FOCAD: variants seen among roughly 807,000 people sequenced by gnomAD.
FOCAD encodes KIAA1797.
Under a neutral mutation model 225.6 loss-of-function variants are expected in FOCAD, and 198 were observed. The ratio of observed to expected loss-of-function variants is 0.88; its 90% CI spans 0.78 to 0.99. The LOEUF is 0.99. Among genes scored for constraint, FOCAD ranks in the 50% least tolerant of loss-of-function variants. The pLI, the probability that FOCAD is intolerant of heterozygous loss-of-function variation, is 0.00. For missense variants in FOCAD, 2,713 were observed against 2,123.6 expected, an observed-to-expected ratio of 1.28 and a Z score of -5.46; for synonymous variants, 897 against 755.0, an observed-to-expected ratio of 1.19 and a Z score of -3.08.
rs777707416 is a variant in FOCAD, at chr9:20,874,783, C to G, written c.2293C>G (p.Leu765Val). Residue 765 changes from leucine (L) to valine (V), a missense_variant, in exon 19 of 44, where the codon CTC becomes GTC. Leu to Val is a conservative substitution (Grantham distance 32, BLOSUM62 1). Coordinates refer to ENST00000338382, the MANE Select transcript of FOCAD (RefSeq NM_001375567.1). ...CTCTTGCTATCTCAAACTGTTGTCACTCACTCCCCCTTTGGTTTTACCAGG... is the reference window on the plus strand; with the variant it reads ...CTCTTGCTATCTCAAACTGTTGTCAGTCACTCCCCCTTTGGTTTTACCAGG... ...PGSCYLKLLS[L>V]TPPLVLPALE... The G allele has an allele frequency of 1.9e-6, 3 of 1,613,626 alleles. No individual in the cohort carries two copies.
intron 21 of FOCAD, among the ~76,000 whole-genome samples, chr9:20,885,871 C>T (rs1347462520): frequency 6.6e-6 from 1 of 151,822 alleles, no homozygotes; most frequent in African/African-American, 2.4e-5. Context: ...GAATGAATAA[C>T]AAAACAAAAT....
chr9:20,662,671 G>C (rs1821765599), intron 2 of FOCAD, among the ~76,000 whole-genome samples: 1 of 151,832 alleles, frequency 6.6e-6, no homozygotes, highest in African/African-American at 2.4e-5. Flanking sequence ...TATTGCCCAG[G>C]CTGGTCTTGA....
intron 35 of FOCAD, among the ~76,000 whole-genome samples, chr9:20,970,759 A>AT (rs1330609090): frequency 6.6e-6 from 1 of 151,946 alleles, no homozygotes; most frequent in Non-Finnish European, 1.5e-5. Flanking sequence ...TATGCTCCAT[A>AT]TTTTTTTGAA....
At chr9:20,719,914 G>T (rs539296511) in intron 3 of FOCAD, among the ~76,000 whole-genome samples, 20 of 151,862 alleles carry the variant, frequency 1.3e-4, no homozygotes, top group African/African-American at 4.8e-4. Context: ...GTGGTGGTAA[G>T]GTGCATGTAG....
chr9:20,671,077 A>T (rs1162720188), intron 2 of FOCAD, among the ~76,000 whole-genome samples: 1 of 152,180 alleles, frequency 6.6e-6, no homozygotes, highest in Non-Finnish European at 1.5e-5. Context: ...TACATTTCTG[A>T]TCTTCTGTAA....
chr9:20,982,580 A>C, intron 39 of FOCAD, 134 bp downstream of exon 39: 2 of 688,840 alleles, frequency 2.9e-6, no homozygotes, highest in South Asian at 3.5e-5. Flanking sequence ...ACTATATTTC[A>C]TTTACATTGT....
intron 21 of FOCAD, among the ~76,000 whole-genome samples, chr9:20,894,041 C>A (rs1166673216): frequency 6.6e-6 from 1 of 152,092 alleles, no homozygotes; most frequent in Non-Finnish European, 1.5e-5. Context: ...TCATCCCTTC[C>A]TTCTCTCTAA....
At chr9:20,808,693 T>G (rs1307490706) in intron 11 of FOCAD, among the ~76,000 whole-genome samples, 1 of 152,046 alleles carries the variant, frequency 6.6e-6, no homozygotes, top group East Asian at 1.9e-4. Context: ...TGATTAGACT[T>G]TCTCTCCTGG....
At chr9:20,682,902 A>G (rs543610577), upstream of FOCAD, among the ~76,000 whole-genome samples, 66 of 152,202 alleles carry the variant, frequency 4.3e-4, no homozygotes, top group Admixed American at 1.2e-3. Context: ...TCCTGAGTAG[A>G]GTAGCCGTGA....
chr9:20,692,869 G>C (rs1331072592), intron 1 of FOCAD, among the ~76,000 whole-genome samples: 1 of 152,076 alleles, frequency 6.6e-6, no homozygotes, highest in Non-Finnish European at 1.5e-5. Flanking sequence ...TTTTTCTGAG[G>C]GGGTGCAGCA....
intron 11 of FOCAD, among the ~76,000 whole-genome samples, chr9:20,804,147 G>T (rs1822155521): frequency 6.6e-6 from 1 of 151,974 alleles, no homozygotes; most frequent in Non-Finnish European, 1.5e-5. Flanking sequence ...TGTTCCTGAG[G>T]TTTACAAGTA....
At chr9:20,962,117 T>G (rs535637135) in intron 35 of FOCAD, among the ~76,000 whole-genome samples, 1 of 152,136 alleles carries the variant, frequency 6.6e-6, no homozygotes, top group African/African-American at 2.4e-5. Flanking sequence ...ATTTAAATAT[T>G]CTTTCCTTGG....
intron 14 of FOCAD, 81 bp downstream of exon 14, chr9:20,821,152 A>T (rs889566029): frequency 2.2e-6 from 3 of 1,370,870 alleles, no homozygotes; most frequent in Non-Finnish European, 2.0e-6. Flanking sequence ...GCAAGAGGCA[A>T]GAAAAGATAG....
chr9:20,791,415 T>A (rs986136819), intron 11 of FOCAD, among the ~76,000 whole-genome samples: 3 of 152,162 alleles, frequency 2.0e-5, no homozygotes, highest in Non-Finnish European at 2.9e-5. Flanking sequence ...AGGTATAAAA[T>A]GTGCAATGAT....
chr9:20,684,726 C>G (rs1822555609), intron 1 of FOCAD: 1 of 152,430 alleles, frequency 6.6e-6, no homozygotes, highest in Non-Finnish European at 1.5e-5. Context: ...GAGATTCTGG[C>G]CGCGTCCTGC....
chr9:20,763,430 G>T lies in FOCAD; in HGVS notation c.495-1439G>T, dbSNP rs148394341. ...ATTATTGTGCCTGTGAATAGCCATTGCACTCTAGCCTGGGCAATGTAGCAA... is the reference window on the plus strand; with the variant it reads ...ATTATTGTGCCTGTGAATAGCCATTTCACTCTAGCCTGGGCAATGTAGCAA... On this transcript the variant is annotated intron_variant, in intron 6 of 43. Transcript: ENST00000338382. 3.7e-3 allele frequency among the ~76,000 whole-genome samples: 556 copies of T among 152,286 alleles called. 6 individuals are homozygous for T. Among genetic ancestry groups the T allele is most frequent in the African/African-American group, 0.013 (539 of 41,548 alleles).
chr9:20,750,708 T>C (rs1828462671), intron 5 of FOCAD, among the ~76,000 whole-genome samples: 2 of 152,332 alleles, frequency 1.3e-5, no homozygotes, highest in South Asian at 2.1e-4. Context: ...CTGTGGGCTC[T>C]TCCTGGACAT....
intron 5 of FOCAD, among the ~76,000 whole-genome samples, chr9:20,745,090 C>A (rs939366641): frequency 2.6e-5 from 4 of 151,666 alleles, no homozygotes; most frequent in Admixed American, 2.6e-4. Context: ...TTGTGTAACA[C>A]ACTTATATTT....
At chr9:20,778,113 A>AAC (rs1818974399) in intron 8 of FOCAD, among the ~76,000 whole-genome samples, 1 of 150,254 alleles carries the variant, frequency 6.7e-6, no homozygotes, top group African/African-American at 2.4e-5. Flanking sequence ...AAAAAAAAAA[A>AAC]GATTGACTGT....
Sources: allele counts gnomAD v4.1 joint callset (sites outside exome capture counted in the v4.1 genomes callset), GRCh38; gene constraint gnomAD v4.1.1; transcripts MANE v1.5; gene names NCBI Gene and HGNC (gene_info 2026-07-23, HGNC 2026-07-21).